Variants in CSMD1 observed in about 807,000 individuals in gnomAD.
CSMD1 encodes the protein CUB and Sushi multiple domains 1, also known as CUB and sushi domain-containing protein 1.
A neutral mutation model predicts 417.5 loss-of-function variants in CSMD1; 213 were observed. That is an observed-to-expected ratio of 0.51 (90% CI 0.46 to 0.57). The LOEUF is 0.57. Ranked by LOEUF, CSMD1 falls within the 20% of genes least tolerant of loss-of-function variation. The probability of loss-of-function intolerance (pLI) is 0.00; values close to 1 mark genes in which losing one functional copy is unlikely to be tolerated. For missense variants in CSMD1, 6,923 were observed against 4,529.7 expected (o/e 1.53, Z -15.17); for synonymous variants, 2,862 against 1,736.8 (o/e 1.65, Z -16.11).
intron 3 of CSMD1, among the ~76,000 whole-genome samples, chr8:4,219,731 A>G (rs1800912631): frequency 1.3e-5 from 2 of 152,158 alleles, no homozygotes; most frequent in Non-Finnish European, 2.9e-5. Context: ...TCACAATGTA[A>G]CTTGGTTTGA....
chr8:3,996,499 G>C (rs545460659), intron 5 of CSMD1, among the ~76,000 whole-genome samples: 5 of 151,812 alleles, frequency 3.3e-5, no homozygotes, highest in Admixed American at 6.6e-5. Context: ...GAAGTCATAA[G>C]GATTTGCTTT....
chr8:3,837,691 G>T (rs1270041737), intron 5 of CSMD1, among the ~76,000 whole-genome samples: 1 of 152,124 alleles, frequency 6.6e-6, no homozygotes, highest in African/African-American at 2.4e-5. Flanking sequence ...TCTTGAGTAG[G>T]AAGAGTAATA....
chr8:3,190,182 G>GTCC, intron 33 of CSMD1, 67 bp from the exon 34 acceptor site: 3 of 1,304,444 alleles, frequency 2.3e-6, no homozygotes, highest in Non-Finnish European at 3.2e-6. Context: ...TGCGTGGAAC[G>GTCC]TGGGTTTAAG....
intron 5 of CSMD1, among the ~76,000 whole-genome samples, chr8:3,983,460 G>C (rs908615740): frequency 6.6e-6 from 1 of 152,078 alleles, no homozygotes; most frequent in Non-Finnish European, 1.5e-5. Flanking sequence ...TTACCTATAA[G>C]TCACCAGGGT....
chr8:3,526,704 T>C (rs1797768161), intron 10 of CSMD1, among the ~76,000 whole-genome samples: 1 of 152,186 alleles, frequency 6.6e-6, no homozygotes. Flanking sequence ...AAAGCCAAAA[T>C]TGTCACTTCC....
chr8:3,351,338 T>C (rs1808406754), intron 21 of CSMD1, among the ~76,000 whole-genome samples: 1 of 151,812 alleles, frequency 6.6e-6, no homozygotes, highest in African/African-American at 2.4e-5. Flanking sequence ...TGGCCAGGCG[T>C]GGTGACCCAT....
intron 2 of CSMD1, among the ~76,000 whole-genome samples, chr8:4,588,616 C>A (rs1236502757): frequency 2.6e-5 from 4 of 151,884 alleles, no homozygotes; most frequent in Non-Finnish European, 5.9e-5. Flanking sequence ...GAAACCCCAT[C>A]CCTACTAAAA....
chr8:4,318,723 A>C (rs1395895647), intron 3 of CSMD1, among the ~76,000 whole-genome samples: 2 of 151,846 alleles, frequency 1.3e-5, no homozygotes, highest in Non-Finnish European at 2.9e-5. Flanking sequence ...CAAAAAAAAA[A>C]AAAAGCCACT....
chr8:3,498,378 T>G (rs1276510875), intron 10 of CSMD1, among the ~76,000 whole-genome samples: 1 of 152,186 alleles, frequency 6.6e-6, no homozygotes, highest in Non-Finnish European at 1.5e-5. Flanking sequence ...CCTCAAATAA[T>G]TTTTTCTTTT....
intron 3 of CSMD1, among the ~76,000 whole-genome samples, chr8:4,267,797 AAGGTACATTGC>A (rs963255279): frequency 1.3e-5 from 2 of 152,150 alleles, no homozygotes; most frequent in Non-Finnish European, 2.9e-5. Flanking sequence ...ATGGTATGAA[AAGGTACATTGC>A]AGGTGTGCAA....
At chr8:3,226,811 T>C (rs756008552) in intron 27 of CSMD1, among the ~76,000 whole-genome samples, 3 of 151,856 alleles carry the variant, frequency 2.0e-5, no homozygotes, top group African/African-American at 4.8e-5. Context: ...GGTTAAGAGA[T>C]TTTATAAAAG....
intron 7 of CSMD1, among the ~76,000 whole-genome samples, chr8:3,693,719 T>C (rs1405758358): frequency 6.6e-6 from 1 of 152,026 alleles, no homozygotes; most frequent in African/African-American, 2.4e-5. Context: ...AATGTATGTG[T>C]TGTGTGTGTT....
At chr8:3,643,751 A>G (rs977600462) in intron 7 of CSMD1, among the ~76,000 whole-genome samples, 15 of 149,574 alleles carry the variant, frequency 1.0e-4, no homozygotes, top group African/African-American at 2.5e-5. Context: ...TTTTCCAGCT[A>G]CTTAATCACC....
intron 20 of CSMD1, among the ~76,000 whole-genome samples, 179 bp from the exon 21 acceptor site, chr8:3,359,519 A>G (rs1265616442): frequency 1.3e-5 from 2 of 151,046 alleles, no homozygotes; most frequent in East Asian, 3.9e-4. Flanking sequence ...CTGTCTTATG[A>G]CAAATGACAT....
At chr8:3,784,184 C>T (rs1193420545) in intron 5 of CSMD1, among the ~76,000 whole-genome samples, 2 of 152,126 alleles carry the variant, frequency 1.3e-5, no homozygotes, top group East Asian at 3.9e-4. Flanking sequence ...AAGTGTCACA[C>T]CTTGGGAAAG....
intron 5 of CSMD1, among the ~76,000 whole-genome samples, chr8:3,822,295 T>C (rs950475170): frequency 2.7e-4 from 41 of 152,168 alleles, no homozygotes; most frequent in Non-Finnish European, 1.2e-4. Flanking sequence ...AGCTTGTGTC[T>C]AGGGGGAAGA....
chr8:4,979,289 G>A (rs1810741752), intron 1 of CSMD1, among the ~76,000 whole-genome samples: 1 of 152,144 alleles, frequency 6.6e-6, no homozygotes, highest in Non-Finnish European at 1.5e-5. Context: ...GTGGTTCTAT[G>A]CTTTTTACAT....
intron 1 of CSMD1, among the ~76,000 whole-genome samples, chr8:4,957,562 C>A (rs550543927): frequency 6.6e-6 from 1 of 152,046 alleles, no homozygotes; most frequent in African/African-American, 2.4e-5. Context: ...ATATCAGTGT[C>A]TTTGTAGACA....
At chr8:3,571,852 G>A (rs1799957245) in intron 10 of CSMD1, among the ~76,000 whole-genome samples, 1 of 152,052 alleles carries the variant, frequency 6.6e-6, no homozygotes, top group Non-Finnish European at 1.5e-5. Context: ...TCCAAACTCT[G>A]CGTCTCACGT....
Sources: allele counts gnomAD v4.1 joint callset (sites outside exome capture counted in the v4.1 genomes callset), GRCh38; gene constraint gnomAD v4.1.1; transcripts MANE v1.5; gene names NCBI Gene and HGNC (gene_info 2026-07-23, HGNC 2026-07-21).